RASAL2: variants seen among roughly 807,000 people sequenced by gnomAD.
RASAL2 encodes the protein ras GTPase-activating protein nGAP.
A neutral mutation model predicts 128.9 loss-of-function variants in RASAL2; 58 were observed. That is an observed-to-expected ratio of 0.45 (90% CI 0.36 to 0.56). The LOEUF is 0.56. Ranked by LOEUF, RASAL2 falls within the 20% of genes least tolerant of loss-of-function variation. RASAL2 has a pLI of 0.00. For missense variants in RASAL2, 1,360 were observed against 1,601.6 expected, an observed-to-expected ratio of 0.85 and a Z score of 2.57; for synonymous variants, 561 against 580.8, an observed-to-expected ratio of 0.97 and a Z score of 0.49.
chr1:178,309,580 T>C lies in RASAL2; in HGVS notation c.457+9462T>C, dbSNP rs559445448. Among the ~76,000 whole-genome samples the C allele has an allele frequency of 1.1e-4, 16 of 152,268 alleles. No individual in the cohort carries two copies. In the South Asian group the frequency reaches 1.7e-3, roughly 16 times the overall value. On this transcript the variant is annotated intron_variant, in intron 3 of 17. Transcript: ENST00000367649. ...GGAAGGATGTATGTGGTAATACTGA[T>C]GGTAATATTCTGGAAGAATTGGCTT...
rs568877177 is a variant in RASAL2 at position 178,217,442 on chromosome 1, T to A, written c.203-66122T>A. On this transcript the variant is annotated intron_variant, in intron 1 of 17. Transcript: ENST00000367649. The stretch of plus-strand genomic sequence containing the variant: ...TAGATGAACCCACATCAACACATCA[T>A]CACCACCCAAAGTTCATAATTCCAT... Among the ~76,000 whole-genome samples the A allele has an allele frequency of 2.0e-5, 3 of 152,260 alleles. No homozygotes were observed. The East Asian group carries it at 5.8e-4, about 29-fold the overall frequency.
intron 3 of RASAL2, among the ~76,000 whole-genome samples, chr1:178,326,622 A>G (rs1473936403): frequency 6.6e-6 from 1 of 152,080 alleles, no homozygotes; most frequent in Admixed American, 6.6e-5. Context: ...TCGGCTCACC[A>G]CAACCTCCGC....
At chr1:178,281,191 TA>T (rs1229794831) in intron 1 of RASAL2, among the ~76,000 whole-genome samples, 2 of 152,040 alleles carry the variant, frequency 1.3e-5, no homozygotes, top group Admixed American at 1.3e-4. Flanking sequence ...AAAGAAGCTG[TA>T]AAATCTATAG....
intron 3 of RASAL2, among the ~76,000 whole-genome samples, chr1:178,376,554 C>T (rs543890007): frequency 6.6e-6 from 1 of 152,172 alleles, no homozygotes; most frequent in East Asian, 1.9e-4. Context: ...AAAGAAAAAA[C>T]TCATACAGGA....
At position 178,144,983 on chromosome 1, in the gene RASAL2, A is replaced by G. The variant is rs373866866; in HGVS notation, c.202+50289A>G. ...TATTACCTGATGTAGTAAGTTTAAC[A>G]TCTTTGTAAAAATATGTTTTAAGTT... is the stretch of plus-strand genomic sequence containing the variant. On this transcript the variant is annotated intron_variant, in intron 1 of 17. Transcript: ENST00000367649. Among the ~76,000 whole-genome samples, 9 of 151,218 alleles carry G rather than the reference A, an allele frequency of 6.0e-5. No homozygotes were observed. The East Asian group carries it at 1.5e-3, about 26-fold the overall frequency.
intron 3 of RASAL2, among the ~76,000 whole-genome samples, chr1:178,362,403 A>AG (rs895346608): frequency 2.0e-5 from 3 of 152,098 alleles, no homozygotes; most frequent in African/African-American, 7.2e-5. Context: ...ACTACAGTCC[A>AG]GCAAATTAAC....
chr1:178,365,260 T>C (rs1259344772), intron 3 of RASAL2, among the ~76,000 whole-genome samples: 1 of 152,188 alleles, frequency 6.6e-6, no homozygotes, highest in Non-Finnish European at 1.5e-5. Flanking sequence ...TTTCATCAGC[T>C]CTAATCTTAT....
At chr1:178,206,680 G>A (rs1663061769) in intron 1 of RASAL2, among the ~76,000 whole-genome samples, 1 of 152,090 alleles carries the variant, frequency 6.6e-6, no homozygotes, top group African/African-American at 2.4e-5. Context: ...CCTTGAACCA[G>A]TAATTTTAAC....
chr1:178,215,157 T>G (rs1663385269), intron 1 of RASAL2, among the ~76,000 whole-genome samples: 1 of 152,236 alleles, frequency 6.6e-6, no homozygotes. Context: ...TGTATTCAAG[T>G]GTGGCAGAGA....
intron 1 of RASAL2, among the ~76,000 whole-genome samples, chr1:178,196,365 AT>A (rs1364860706): frequency 6.6e-6 from 1 of 152,212 alleles, no homozygotes; most frequent in African/African-American, 2.4e-5. Context: ...AAAGATTAAA[AT>A]TCAGAATAAA....
chr1:178,167,178 CCACTA>C (rs1275546459), intron 1 of RASAL2, among the ~76,000 whole-genome samples: 2 of 152,058 alleles, frequency 1.3e-5, no homozygotes, highest in African/African-American at 4.8e-5. Context: ...TGTTCATAAA[CCACTA>C]GGTTTTGTGT....
rs543070250 is a variant in RASAL2 at position 178,296,409 on chromosome 1, G to C, written c.331-3583G>C. 2.0e-5 allele frequency among the ~76,000 whole-genome samples: 3 copies of C among 152,198 alleles called. No individual in the cohort carries two copies. In the East Asian group the frequency reaches 5.8e-4, roughly 29 times the overall value. ...GGGTCTCACTCTGTCACCCAGGCTGGAGTACAGTGATGTGTTCATAGCTCA... is the reference window on the plus strand; with the variant it reads ...GGGTCTCACTCTGTCACCCAGGCTGCAGTACAGTGATGTGTTCATAGCTCA... On this transcript the variant is annotated intron_variant, in intron 2 of 17. Coordinates refer to ENST00000367649, the MANE Select transcript of RASAL2 (RefSeq NM_170692.4).
chr1:178,435,274 C>T (rs1676180980), intron 5 of RASAL2, among the ~76,000 whole-genome samples: 1 of 152,114 alleles, frequency 6.6e-6, no homozygotes, highest in Non-Finnish European at 1.5e-5. Context: ...CACCAAGCCT[C>T]ATTGGAGCTG....
At chr1:178,211,812 C>G (rs1363074881) in intron 1 of RASAL2, among the ~76,000 whole-genome samples, 2 of 152,110 alleles carry the variant, frequency 1.3e-5, no homozygotes, top group Non-Finnish European at 2.9e-5. Flanking sequence ...TCTGTATGTA[C>G]TTTATATTTT....
At chr1:178,330,779 T>C (rs1030586401) in intron 3 of RASAL2, among the ~76,000 whole-genome samples, 3 of 152,134 alleles carry the variant, frequency 2.0e-5, no homozygotes, top group Non-Finnish European at 4.4e-5. Flanking sequence ...ATGATAAAAA[T>C]CGCTCTCATT....
chr1:178,299,922 C>A, intron 2 of RASAL2, 70 bp from the exon 3 acceptor site: 3 of 1,516,092 alleles, frequency 2.0e-6, no homozygotes, highest in Non-Finnish European at 9.0e-7. Flanking sequence ...TGACTAAAAC[C>A]ATTATTCAAT....
chr1:178,397,898 G>C (rs890311565), intron 4 of RASAL2, among the ~76,000 whole-genome samples: 1 of 151,972 alleles, frequency 6.6e-6, no homozygotes, highest in Non-Finnish European at 1.5e-5. Context: ...TTACAGGCAT[G>C]AGTCACCATG....
intron 17 of RASAL2, among the ~76,000 whole-genome samples, chr1:178,471,278 G>C (rs982877426): frequency 4.6e-5 from 7 of 152,008 alleles, no homozygotes; most frequent in African/African-American, 1.7e-4. Flanking sequence ...GAGTAGGGAG[G>C]GGGGAATATC....
chr1:178,406,062 G>A (rs1572016059), intron 4 of RASAL2, among the ~76,000 whole-genome samples: 1 of 152,184 alleles, frequency 6.6e-6, no homozygotes, highest in East Asian at 1.9e-4. Context: ...TTAAAAAGTT[G>A]CCATGTCGTC....
Sources: gnomAD v4.1 joint callset for allele counts (sites outside exome capture counted in the v4.1 genomes callset) on GRCh38, gnomAD v4.1.1 for gene constraint, MANE v1.5 for transcripts, NCBI Gene and HGNC (gene_info 2026-07-23, HGNC 2026-07-21) for gene names.